Variants in ICA1 observed in about 807,000 individuals in gnomAD.
The protein encoded by ICA1 is islet cell autoantigen 1.
Under a neutral mutation model 71.0 loss-of-function variants are expected in ICA1, and 40 were observed. The ratio of observed to expected loss-of-function variants is 0.56; its 90% CI spans 0.44 to 0.73. ICA1 has a LOEUF of 0.73. Ranked by LOEUF, ICA1 falls within the 30% of genes least tolerant of loss-of-function variation. The pLI is 0.00. For missense variants in ICA1, 578 were observed against 576.5 expected, an observed-to-expected ratio of 1.00 and a Z score of -0.03; for synonymous variants, 207 against 209.5, an observed-to-expected ratio of 0.99 and a Z score of 0.10.
At chr7:8,221,145 AG>A in intron 5 of ICA1, 129 bp downstream of exon 5, 1 of 963,072 alleles carries the variant, frequency 1.0e-6, no homozygotes, top group Middle Eastern at 3.4e-4. Flanking sequence ...CTAACTAGTG[AG>A]TACAGAGCAG....
At chr7:8,133,039 G>T (rs1363284481) in intron 12 of ICA1, among the ~76,000 whole-genome samples, 1 of 152,158 alleles carries the variant, frequency 6.6e-6, no homozygotes, top group Non-Finnish European at 1.5e-5. Context: ...GAGGTGATTG[G>T]GTCATGAGGG....
chr7:8,142,044 T>G, intron 9 of ICA1: 2 of 1,445,556 alleles, frequency 1.4e-6, no homozygotes, highest in Non-Finnish European at 1.8e-6. Flanking sequence ...GAGGCAAATA[T>G]TCTGTAAATA....
At chr7:8,195,702 G>A (rs368829614) in intron 6 of ICA1, among the ~76,000 whole-genome samples, 4 of 152,016 alleles carry the variant, frequency 2.6e-5, no homozygotes, top group South Asian at 2.1e-4. Flanking sequence ...ACATCCGGCC[G>A]GGCACAGTGG....
chr7:8,221,032 C>T (rs1334461301), intron 5 of ICA1, among the ~76,000 whole-genome samples: 1 of 151,818 alleles, frequency 6.6e-6, no homozygotes, highest in African/African-American at 2.4e-5. Flanking sequence ...ATATAATGCC[C>T]CTACAGACCA....
At chr7:8,245,976 A>G (rs751076979) in intron 1 of ICA1, among the ~76,000 whole-genome samples, 4 of 152,232 alleles carry the variant, frequency 2.6e-5, no homozygotes, top group Non-Finnish European at 5.9e-5. Flanking sequence ...TTTTCCCTGT[A>G]AAATTGAATA....
intron 7 of ICA1, 43 bp from the exon 8 acceptor site, chr7:8,157,257 A>G: frequency 6.5e-7 from 1 of 1,535,628 alleles, no homozygotes; most frequent in Non-Finnish European, 8.8e-7. Flanking sequence ...TTGAATGCCC[A>G]GTTCTAGTCC....
At chr7:8,248,033 C>T (rs1173589396) in intron 1 of ICA1, among the ~76,000 whole-genome samples, 2 of 152,194 alleles carry the variant, frequency 1.3e-5, no homozygotes, top group Non-Finnish European at 2.9e-5. Context: ...ATGTGTGCCT[C>T]CTCGTCAGTT....
chr7:8,129,647 G>A (rs1790679187), intron 12 of ICA1, among the ~76,000 whole-genome samples: 1 of 152,226 alleles, frequency 6.6e-6, no homozygotes, highest in African/African-American at 2.4e-5. Context: ...TGTTGTGGGT[G>A]AGAAGATGGG....
At chr7:8,230,854 C>A (rs1800051658) in intron 3 of ICA1, among the ~76,000 whole-genome samples, 1 of 152,148 alleles carries the variant, frequency 6.6e-6, no homozygotes, top group African/African-American at 2.4e-5. Flanking sequence ...AAGGAAAGGG[C>A]TGAGAACTGA....
chr7:8,164,421 A>C (rs17144154), intron 6 of ICA1, among the ~76,000 whole-genome samples: 1 of 152,036 alleles, frequency 6.6e-6, no homozygotes, highest in South Asian at 2.1e-4. Flanking sequence ...TCCAAAAGAC[A>C]CTTAAGAGGC....
chr7:8,140,311 GC>G (rs1230716017), intron 10 of ICA1, among the ~76,000 whole-genome samples: 1 of 152,108 alleles, frequency 6.6e-6, no homozygotes, highest in East Asian at 1.9e-4. Context: ...TTCTCCTCCT[GC>G]CACTCGCTCC....
chr7:8,147,611 T>G (rs1562663852), intron 8 of ICA1, among the ~76,000 whole-genome samples: 1 of 151,500 alleles, frequency 6.6e-6, no homozygotes, highest in Non-Finnish European at 1.5e-5. Flanking sequence ...TTTGAAAAGG[T>G]TTATAAAACC....
chr7:8,142,439 G>C (rs2128127818), intron 9 of ICA1, among the ~76,000 whole-genome samples: 1 of 152,338 alleles, frequency 6.6e-6, no homozygotes, highest in Non-Finnish European at 1.5e-5. Context: ...TATACTTTGT[G>C]AGCTTTCAAA....
At chr7:8,237,925 C>T (rs549460044) in intron 1 of ICA1, among the ~76,000 whole-genome samples, 1 of 152,090 alleles carries the variant, frequency 6.6e-6, no homozygotes, top group East Asian at 1.9e-4. Flanking sequence ...GGGAATAATG[C>T]TGCAATAAAC....
chr7:8,233,004 GA>G (rs1800735094), intron 2 of ICA1, among the ~76,000 whole-genome samples: 1 of 151,574 alleles, frequency 6.6e-6, no homozygotes, highest in Admixed American at 6.6e-5. Flanking sequence ...ACTAACCCTT[GA>G]AAAGAATGTA....
At chr7:8,200,549 C>T (rs970667008) in intron 6 of ICA1, among the ~76,000 whole-genome samples, 2 of 152,008 alleles carry the variant, frequency 1.3e-5, no homozygotes, top group Admixed American at 6.6e-5. Flanking sequence ...TAAGAGCAAG[C>T]ACATGCCATG....
chr7:8,114,118 G>A, intron 13 of ICA1, 74 bp from the exon 14 acceptor site: 1 of 1,492,026 alleles, frequency 6.7e-7, no homozygotes, highest in Non-Finnish European at 9.3e-7. Context: ...ATGCAGGCAG[G>A]TCCAGGTCAT....
intron 6 of ICA1, among the ~76,000 whole-genome samples, chr7:8,216,467 A>G (rs1351955666): frequency 6.6e-6 from 1 of 152,146 alleles, no homozygotes; most frequent in African/African-American, 2.4e-5. Context: ...GTTTTCCAAA[A>G]TCAACAGACT....
At chr7:8,251,266 G>A (rs1198755556) in intron 1 of ICA1, among the ~76,000 whole-genome samples, 1 of 151,754 alleles carries the variant, frequency 6.6e-6, no homozygotes, top group African/African-American at 2.4e-5. Context: ...TATATACAAT[G>A]ATTAAGTTTA....
Sources: gnomAD v4.1 joint callset for allele counts (sites outside exome capture counted in the v4.1 genomes callset) on GRCh38, gnomAD v4.1.1 for gene constraint, MANE v1.5 for transcripts, NCBI Gene and HGNC (gene_info 2026-07-23, HGNC 2026-07-21) for gene names.